RPA1: variants seen among roughly 807,000 people sequenced by gnomAD.
The protein encoded by RPA1 is replication protein A 70 kDa DNA-binding subunit.
A neutral mutation model predicts 83.0 loss-of-function variants in RPA1; 49 were observed. The ratio of observed to expected loss-of-function variants is 0.59; its 90% CI spans 0.47 to 0.75. The LOEUF (loss-of-function observed/expected upper bound fraction) is 0.75, where lower values mean the gene tolerates loss of function less well. Among genes scored for constraint, RPA1 ranks in the 30% least tolerant of loss-of-function variants. RPA1 has a pLI of 0.00. For synonymous variants in RPA1, 279 were observed against 281.8 expected (o/e 0.99, Z 0.10); for missense variants, 693 against 776.1 (o/e 0.89, Z 1.27).
chr17:1,888,984 C>G, intron 14 of RPA1, 133 bp downstream of exon 14: 1 of 900,216 alleles, frequency 1.1e-6, no homozygotes. Flanking sequence ...TGTGGAAGAG[C>G]TTATCCATCC....
chr17:1,876,293 GC>G (rs1314968550), intron 7 of RPA1, among the ~76,000 whole-genome samples: 9 of 152,194 alleles, frequency 5.9e-5, no homozygotes, highest in African/African-American at 1.9e-4. Flanking sequence ...GGTGGCTCAT[GC>G]CCGTAATCCC....
chr17:1,833,086 C>T (rs1238634251), intron 1 of RPA1, among the ~76,000 whole-genome samples: 2 of 152,030 alleles, frequency 1.3e-5, no homozygotes, highest in African/African-American at 4.8e-5. Context: ...ACCACCACAC[C>T]CTGCTAATTT....
intron 4 of RPA1, among the ~76,000 whole-genome samples, chr17:1,852,854 G>T (rs16951698): frequency 6.6e-6 from 1 of 151,936 alleles, no homozygotes; most frequent in African/African-American, 2.4e-5. Context: ...TTACCATGTC[G>T]GTTGGCTCCT....
chr17:1,872,233 C>A, intron 5 of RPA1: 5 of 705,630 alleles, frequency 7.1e-6, no homozygotes, highest in South Asian at 3.9e-5. Flanking sequence ...ATGGAGCCAA[C>A]CTTTTGTGTA....
rs200981057 is a variant in RPA1 at position 1,879,088 on chromosome 17, A to C, written c.759+27A>C. 935 of 1,613,744 alleles carry C rather than the reference A, an allele frequency of 5.8e-4. 3 individuals carry two copies. Among genetic ancestry groups the C allele is most frequent in the Middle Eastern group, 5.6e-3 (34 of 6,062 alleles). On this transcript the variant is annotated intron_variant, in intron 9 of 16. Coordinates refer to ENST00000254719, the MANE Select transcript of RPA1 (RefSeq NM_002945.5). ...TATGGCCGTGCTGACTTTAGAACTG[A>C]CACCGCCTGGGGGTGGAGTGCGGAT... is the stretch of plus-strand genomic sequence containing the variant.
At chr17:1,837,404 T>G (rs112332121) in intron 1 of RPA1, among the ~76,000 whole-genome samples, 13 of 152,224 alleles carry the variant, frequency 8.5e-5, no homozygotes, top group Admixed American at 6.5e-4. Flanking sequence ...TTTCATCTTT[T>G]GGCTATTATA....
chr17:1,846,320 T>G (rs1200208983), intron 4 of RPA1, among the ~76,000 whole-genome samples: 1 of 143,446 alleles, frequency 7.0e-6, no homozygotes, highest in African/African-American at 2.6e-5. Context: ...GCTTTTTTTT[T>G]TTTTTTTTTT....
intron 11 of RPA1, among the ~76,000 whole-genome samples, 162 bp downstream of exon 11, chr17:1,879,861 A>C (rs1262531654): frequency 7.1e-6 from 1 of 140,396 alleles, no homozygotes; most frequent in East Asian, 2.1e-4. Flanking sequence ...CACACACAGG[A>C]GGAGCTCCAG....
Position 1,888,903 on chromosome 17 carries a change from C to G in RPA1, c.1551+52C>G. ...ACGGTTGTGTTCACGGAGGCCCTCC[C>G]GTGTGCCAGGCACTGTGGTCACAAC... On this transcript the variant is annotated intron_variant, in intron 14 of 16. Coordinates refer to ENST00000254719, the MANE Select transcript of RPA1 (RefSeq NM_002945.5). The G allele has an allele frequency of 6.4e-7, 1 of 1,567,466 alleles. No homozygotes were observed. Among genetic ancestry groups the G allele is most frequent in the Non-Finnish European group, 8.7e-7 (1 of 1,147,988 alleles).
At chr17:1,838,227 C>G (rs1430141200) in intron 1 of RPA1, among the ~76,000 whole-genome samples, 1 of 150,816 alleles carries the variant, frequency 6.6e-6, no homozygotes, top group African/African-American at 2.4e-5. Context: ...GGAGGCGGAG[C>G]TTGTAGTGAG....
At chr17:1,883,159 A>T (rs1913858591) in intron 12 of RPA1, among the ~76,000 whole-genome samples, 1 of 152,060 alleles carries the variant, frequency 6.6e-6, no homozygotes, top group Non-Finnish European at 1.5e-5. Context: ...CATCTCTTAA[A>T]AAAATTTTTT....
At chr17:1,850,777 A>C (rs1912464593) in intron 4 of RPA1, among the ~76,000 whole-genome samples, 1 of 151,678 alleles carries the variant, frequency 6.6e-6, no homozygotes, top group Middle Eastern at 3.2e-3. Context: ...CTGTAATCCC[A>C]GCTACTCAAG....
At chr17:1,831,712 T>C (rs373802539) in intron 1 of RPA1, among the ~76,000 whole-genome samples, 112 of 144,328 alleles carry the variant, frequency 7.8e-4, no homozygotes, top group East Asian at 1.5e-3. Flanking sequence ...CATTCTCCTG[T>C]CTCAGCCTCC....
At chr17:1,895,132 G>C (rs769957338) in intron 16 of RPA1, 37 bp downstream of exon 16, 3 of 1,552,750 alleles carry the variant, frequency 1.9e-6, no homozygotes, top group East Asian at 4.5e-5. Context: ...TGGTGGTGGG[G>C]AGGTGCTGTT....
At chr17:1,878,924 G>C in intron 8 of RPA1, 69 bp from the exon 9 acceptor site, 1 of 1,471,086 alleles carries the variant, frequency 6.8e-7, no homozygotes, top group Non-Finnish European at 9.5e-7. Context: ...TTCTATCCCA[G>C]TGTCACTTGG....
chr17:1,837,019 G>A (rs1407551165), intron 1 of RPA1, among the ~76,000 whole-genome samples: 1 of 151,890 alleles, frequency 6.6e-6, no homozygotes, highest in Admixed American at 6.6e-5. Context: ...TGTATTTTTA[G>A]TAGAGACGGG....
chr17:1,892,530 A>T (rs750643294), intron 15 of RPA1, among the ~76,000 whole-genome samples: 1 of 152,234 alleles, frequency 6.6e-6, no homozygotes, highest in Non-Finnish European at 1.5e-5. Flanking sequence ...CTATTAGCAC[A>T]TCAGAGCTAG....
At position 1,872,456 on chromosome 17, in the gene RPA1, T is replaced by C; in HGVS notation, c.384T>C (p.Ala128=). ...YNEGLGQPQV[A]PPAPAASPAA... ...CAGGACTCGGGCAGCCGCAAGTAGC[T>C]CCTCCAGCGCCAGCAGCCAGCCCAG... The change falls in exon 6 of 17, where the codon GCT becomes GCC. Residue 128 remains alanine (A), a synonymous_variant. Transcript: ENST00000254719. 6.2e-7 allele frequency: 1 copy of C among 1,613,820 alleles called. No homozygotes were observed. Among genetic ancestry groups the C allele is most frequent in the African/African-American group, 1.3e-5 (1 of 74,998 alleles).
chr17:1,844,149 G>A, intron 3 of RPA1, 151 bp downstream of exon 3: 1 of 640,836 alleles, frequency 1.6e-6, no homozygotes, highest in Admixed American at 3.0e-5. Flanking sequence ...CTGTCAGAGA[G>A]CATTCTAACA....
Sources: gnomAD v4.1 joint callset for allele counts (sites outside exome capture counted in the v4.1 genomes callset) on GRCh38, gnomAD v4.1.1 for gene constraint, MANE v1.5 for transcripts, NCBI Gene and HGNC (gene_info 2026-07-23, HGNC 2026-07-21) for gene names.